Variants in CLVS1 observed in about 807,000 individuals in gnomAD.
CLVS1 encodes the protein clavesin 1.
A neutral mutation model predicts 33.1 loss-of-function variants in CLVS1; 10 were observed. The ratio of observed to expected loss-of-function variants is 0.30; its 90% CI spans 0.19 to 0.51. CLVS1 has a LOEUF of 0.51. Ranked by LOEUF, CLVS1 falls within the 20% of genes least tolerant of loss-of-function variation. The pLI, the probability that CLVS1 is intolerant of heterozygous loss-of-function variation, is 0.97. For missense variants in CLVS1, 343 were observed against 433.4 expected (o/e 0.79, Z 1.85); for synonymous variants, 163 against 166.1 (o/e 0.98, Z 0.14).
intron 4 of CLVS1, among the ~76,000 whole-genome samples, chr8:61,454,533 T>C (rs1369310135): frequency 6.6e-6 from 1 of 152,198 alleles, no homozygotes; most frequent in Non-Finnish European, 1.5e-5. Context: ...TTACTGTAAA[T>C]TCTTATGGGA....
At chr8:61,330,931 A>C (rs1343287372) in intron 2 of CLVS1, among the ~76,000 whole-genome samples, 1 of 152,014 alleles carries the variant, frequency 6.6e-6, no homozygotes, top group Non-Finnish European at 1.5e-5. Flanking sequence ...TTCAAAAAAA[A>C]AAAAAAATTA....
intron 3 of CLVS1, among the ~76,000 whole-genome samples, chr8:61,418,205 T>A (rs995616606): frequency 6.6e-6 from 1 of 152,186 alleles, no homozygotes; most frequent in Non-Finnish European, 1.5e-5. Flanking sequence ...ATTTTTTTAA[T>A]GTAAAATTTA....
chr8:61,123,366 C>T (rs1196913003), intron 1 of CLVS1, among the ~76,000 whole-genome samples: 3 of 152,110 alleles, frequency 2.0e-5, no homozygotes, highest in Non-Finnish European at 2.9e-5. Context: ...CAATCAGTAA[C>T]GTTGTGGCTA....
chr8:61,311,720 T>TA (rs778341038), intron 2 of CLVS1, among the ~76,000 whole-genome samples: 22 of 152,154 alleles, frequency 1.4e-4, no homozygotes, highest in Non-Finnish European at 2.9e-4. Flanking sequence ...ACTCAGAAGT[T>TA]AAAAAGACAT....
chr8:61,245,624 G>A (rs538268721), intron 2 of CLVS1, among the ~76,000 whole-genome samples: 1 of 151,238 alleles, frequency 6.6e-6, no homozygotes, highest in South Asian at 2.1e-4. Flanking sequence ...TATATCATCA[G>A]CATCTTATAT....
intron 1 of CLVS1, among the ~76,000 whole-genome samples, chr8:61,292,998 T>C (rs913146376): frequency 6.6e-6 from 1 of 152,210 alleles, no homozygotes; most frequent in African/African-American, 2.4e-5. Context: ...GTCTCTACTC[T>C]GATGGAGCTC....
At chr8:61,331,841 C>G (rs1428776982) in intron 2 of CLVS1, among the ~76,000 whole-genome samples, 4 of 151,256 alleles carry the variant, frequency 2.6e-5, no homozygotes, top group African/African-American at 9.8e-5. Context: ...CCTCCTCCTC[C>G]TCCTCCTCCT....
At chr8:61,389,903 T>G (rs1472965789) in intron 3 of CLVS1, among the ~76,000 whole-genome samples, 1 of 152,228 alleles carries the variant, frequency 6.6e-6, no homozygotes, top group Non-Finnish European at 1.5e-5. Context: ...ATACTAATTT[T>G]TTGAGGGTTT....
At chr8:61,023,801 G>A in the CLVS1 span, among the ~76,000 whole-genome samples, 1,494 of 152,254 alleles carry the variant, frequency 9.8e-3, 22 homozygotes, top group African/African-American at 0.03. Flanking sequence ...TCAGAGACAG[G>A]ACAGAGCTCT....
At chr8:61,176,922 TCTGC>T (rs1585664740) in intron 2 of CLVS1, among the ~76,000 whole-genome samples, 7 of 152,188 alleles carry the variant, frequency 4.6e-5, no homozygotes, top group Admixed American at 4.6e-4. Flanking sequence ...TTGACTAGAA[TCTGC>T]CTAAGTCTGC....
intron 2 of CLVS1, among the ~76,000 whole-genome samples, chr8:61,211,310 C>G (rs1456833721): frequency 1.3e-5 from 2 of 151,810 alleles, no homozygotes; most frequent in African/African-American, 4.8e-5. Flanking sequence ...CTCCTTCTCC[C>G]TCTTCCTTCT....
intron 3 of CLVS1, among the ~76,000 whole-genome samples, chr8:61,390,729 G>C (rs936658780): frequency 5.3e-5 from 8 of 152,064 alleles, no homozygotes; most frequent in African/African-American, 1.9e-4. Context: ...AGCCATTTTT[G>C]ATTGGGGTTT....
intron 2 of CLVS1, among the ~76,000 whole-genome samples, chr8:61,261,335 A>G (rs1809199261): frequency 6.6e-6 from 1 of 152,242 alleles, no homozygotes; most frequent in Non-Finnish European, 1.5e-5. Context: ...TGGGTTTACT[A>G]TCCTTTGACT....
intron 2 of CLVS1, among the ~76,000 whole-genome samples, chr8:61,372,991 C>T (rs768591940): frequency 6.6e-6 from 1 of 152,172 alleles, no homozygotes; most frequent in Non-Finnish European, 1.5e-5. Context: ...TCTTTCTATA[C>T]TGTACTCTTT....
At chr8:61,266,187 C>T (rs1370361490) in intron 2 of CLVS1, among the ~76,000 whole-genome samples, 1 of 152,114 alleles carries the variant, frequency 6.6e-6, no homozygotes, top group East Asian at 1.9e-4. Context: ...AAACAGCTTA[C>T]TTTAAAAGAA....
chr8:61,113,631 C>G (rs115218467), intron 1 of CLVS1, among the ~76,000 whole-genome samples: 1 of 152,132 alleles, frequency 6.6e-6, no homozygotes, highest in Non-Finnish European at 1.5e-5. Context: ...GGAAGTTTTT[C>G]AAGAATGCAA....
At chr8:60,975,877 T>C in the CLVS1 span, among the ~76,000 whole-genome samples, 1 of 152,154 alleles carries the variant, frequency 6.6e-6, no homozygotes, top group African/African-American at 2.4e-5. Context: ...GATGTGAAAG[T>C]TAAATGGTCA....
At chr8:61,226,980 G>GTT (rs55718731) in intron 2 of CLVS1, among the ~76,000 whole-genome samples, 16 of 132,310 alleles carry the variant, frequency 1.2e-4, no homozygotes, top group Non-Finnish European at 1.7e-4. Context: ...ACGAAAACAT[G>GTT]TTTTTTTTTT....
chr8:61,388,161 A>G (rs1038299594), intron 3 of CLVS1, among the ~76,000 whole-genome samples: 3 of 152,028 alleles, frequency 2.0e-5, no homozygotes, highest in African/African-American at 7.2e-5. Context: ...AAGAAAAAAT[A>G]GTAACTGTGA....
Sources: allele counts gnomAD v4.1 joint callset (sites outside exome capture counted in the v4.1 genomes callset), GRCh38; gene constraint gnomAD v4.1.1; transcripts MANE v1.5; gene names NCBI Gene and HGNC (gene_info 2026-07-23, HGNC 2026-07-21).